CNTNAP5: variants seen among roughly 807,000 people sequenced by gnomAD.
The protein encoded by CNTNAP5 is contactin associated protein family member 5, also known as contactin-associated protein-like 5.
CNTNAP5 carries 72 observed loss-of-function variants against 150.2 expected under a neutral mutation model. That is an observed-to-expected ratio of 0.48 (90% confidence interval 0.40 to 0.58). The LOEUF (loss-of-function observed/expected upper bound fraction) is 0.58. Ranked by LOEUF, CNTNAP5 falls within the 20% of genes least tolerant of loss-of-function variation. The probability of loss-of-function intolerance (pLI) is 0.00; values close to 1 mark genes in which losing one functional copy is unlikely to be tolerated. For missense variants in CNTNAP5, 1,636 were observed against 1,626.2 expected, an observed-to-expected ratio of 1.01 and a Z score of -0.10; for synonymous variants, 672 against 619.8, an observed-to-expected ratio of 1.08 and a Z score of -1.25.
chr2:124,025,325 TCCACCG>T lies in CNTNAP5; in HGVS notation c.-325_-320del. On this transcript the variant is annotated 5_prime_UTR_variant, in exon 1 of 24. Coordinates refer to ENST00000682447, the MANE Select transcript of CNTNAP5 (RefSeq NM_001367498.1). The stretch of plus-strand genomic sequence containing the variant: ...GCGCCCGACGAGGTGGATTTGGCTG[TCCACCG>T]AGCTCCGGCGCCTGTCGTTCTAATT... 3 of 313,678 alleles carry T rather than the reference TCCACCG, an allele frequency of 9.6e-6. No individual in the cohort carries two copies. Among genetic ancestry groups the T allele is most frequent in the Admixed American group, 4.0e-5 (1 of 25,010 alleles). 19.4% of individuals were successfully genotyped at this position (313,678 alleles called of 1,614,324 possible).
At chr2:124,507,877 G>A (rs552660248) in intron 8 of CNTNAP5, among the ~76,000 whole-genome samples, 32 of 152,202 alleles carry the variant, frequency 2.1e-4, no homozygotes, top group African/African-American at 7.5e-4. Context: ...GGCTGCCAAG[G>A]GTGAGTGAGA....
chr2:124,507,232 G>T (rs1302983865), intron 8 of CNTNAP5, among the ~76,000 whole-genome samples: 1 of 152,098 alleles, frequency 6.6e-6, no homozygotes, highest in African/African-American at 2.4e-5. Context: ...GCCAAGGAGG[G>T]CAGATCTCAT....
intron 12 of CNTNAP5, among the ~76,000 whole-genome samples, chr2:124,635,267 C>T (rs549562390): frequency 1.9e-4 from 29 of 152,210 alleles, no homozygotes; most frequent in South Asian, 4.2e-4. Flanking sequence ...AGAGGCTACA[C>T]ACTTTTAAAC....
At chr2:124,737,434 A>G (rs1680408110) in intron 13 of CNTNAP5, among the ~76,000 whole-genome samples, 1 of 152,190 alleles carries the variant, frequency 6.6e-6, no homozygotes, top group African/African-American at 2.4e-5. Context: ...GGGTTCAGGC[A>G]GAGAGCAGCA....
rs545389967 is a variant in CNTNAP5 at position 124,359,153 on chromosome 2, C to T, written c.382-58290C>T. On this transcript the variant is annotated intron_variant, in intron 3 of 23. Transcript: ENST00000682447. ...TTTCTGTGGGATCGGCGGTGATATCCCCTTTATCATTTTTTATTGTGTCTA... is the reference window on the plus strand; with the variant it reads ...TTTCTGTGGGATCGGCGGTGATATCTCCTTTATCATTTTTTATTGTGTCTA... Among the ~76,000 whole-genome samples the T allele has an allele frequency of 9.2e-5, 14 of 152,052 alleles. No individual in the cohort carries two copies. The South Asian group carries it at 2.3e-3, about 25-fold the overall frequency.
intron 3 of CNTNAP5, among the ~76,000 whole-genome samples, chr2:124,309,690 AGC>A (rs1688776451): frequency 6.6e-6 from 1 of 152,170 alleles, no homozygotes; most frequent in Non-Finnish European, 1.5e-5. Flanking sequence ...CTTTAGCCAG[AGC>A]GGTGCCTCCC....
In CNTNAP5 at chr2:124,798,196, C is replaced by T. The variant is rs774970039; in HGVS notation, c.3093C>T (p.Tyr1031=). 6.2e-7 allele frequency: 1 copy of T among 1,613,818 alleles called. No individual in the cohort carries two copies. Among genetic ancestry groups the T allele is most frequent in the Non-Finnish European group, 8.5e-7 (1 of 1,179,732 alleles). The change falls in exon 19 of 24, where the codon TAC becomes TAT. Residue 1031 remains tyrosine, a synonymous_variant. Coordinates refer to ENST00000682447, the MANE Select transcript of CNTNAP5 (RefSeq NM_001367498.1). ...KNISLSSSAI[Y]TDSAPSKENI... ...TAAGCCTCTCATCCTCAGCTATTTACACAGATTCAGCTCCATCCAAGGAAA... is the reference window on the plus strand; with the variant it reads ...TAAGCCTCTCATCCTCAGCTATTTATACAGATTCAGCTCCATCCAAGGAAA...
rs70996039 is a variant in CNTNAP5, at chr2:124,070,396, G to GAA, written c.82+44686_82+44687dup. 6.0e-3 allele frequency among the ~76,000 whole-genome samples: 436 copies of GAA among 72,786 alleles called. 5 individuals are homozygous for GAA. The highest frequency in any genetic ancestry group is 0.032 in the East Asian group (72 of 2,220). The allele number at this position is 72,786 out of a possible 152,430, so 47.8% of individuals were successfully genotyped here. On this transcript the variant is annotated intron_variant, in intron 1 of 23. Coordinates refer to ENST00000682447, the MANE Select transcript of CNTNAP5 (RefSeq NM_001367498.1). Reference sequence around the variant, plus strand: ...AAGAGAAACAGAGTGGCTGAATGGGGAAAAAAAAAAAAAAAAAAAAAAAGC... The same window carrying GAA: ...AAGAGAAACAGAGTGGCTGAATGGGGAAAAAAAAAAAAAAAAAAAAAAAAAGC...
intron 3 of CNTNAP5, among the ~76,000 whole-genome samples, chr2:124,253,802 A>G (rs2104783067): frequency 6.6e-6 from 1 of 152,202 alleles, no homozygotes. Context: ...TCAACAGTAG[A>G]CACAGTGCTG....
At chr2:124,715,766 G>A (rs1030459480) in intron 13 of CNTNAP5, among the ~76,000 whole-genome samples, 4 of 152,086 alleles carry the variant, frequency 2.6e-5, no homozygotes, top group Non-Finnish European at 4.4e-5. Context: ...ATACTCTCCC[G>A]AAAATGCCGT....
chr2:124,797,872 C>A (rs1280840301), intron 18 of CNTNAP5, among the ~76,000 whole-genome samples: 3 of 152,198 alleles, frequency 2.0e-5, no homozygotes, highest in Non-Finnish European at 1.5e-5. Flanking sequence ...GGCTATGCAA[C>A]CCTGTTCAAG....
intron 2 of CNTNAP5, among the ~76,000 whole-genome samples, chr2:124,232,775 C>T (rs1367611120): frequency 7.9e-5 from 12 of 152,122 alleles, no homozygotes; most frequent in Admixed American, 7.9e-4. Flanking sequence ...TTGCTAAGGA[C>T]TGGCTTCTAA....
rs113977885 is a variant in CNTNAP5 at position 124,353,082 on chromosome 2, A to G, written c.382-64361A>G. On this transcript the variant is annotated intron_variant, in intron 3 of 23. Coordinates refer to ENST00000682447, the MANE Select transcript of CNTNAP5 (RefSeq NM_001367498.1). ...CACATTGAGCGAGGTCTCCAGGGAA[A>G]GGAGAGCCCCAGCTGACATCTTGTG... is the stretch of plus-strand genomic sequence containing the variant. Among the ~76,000 whole-genome samples, 585 of 152,282 alleles carry G rather than the reference A, an allele frequency of 3.8e-3. 5 individuals are homozygous for G. The highest frequency in any genetic ancestry group is 0.014 in the African/African-American group (562 of 41,564).
At chr2:124,466,265 T>C (rs2104825817) in intron 6 of CNTNAP5, among the ~76,000 whole-genome samples, 1 of 152,266 alleles carries the variant, frequency 6.6e-6, no homozygotes, top group South Asian at 2.1e-4. Context: ...GAGAATACAA[T>C]AACTCTATTC....
At chr2:124,184,686 T>G (rs1187885341) in intron 1 of CNTNAP5, among the ~76,000 whole-genome samples, 5 of 152,166 alleles carry the variant, frequency 3.3e-5, no homozygotes, top group Admixed American at 2.6e-4. Flanking sequence ...TATTACATTG[T>G]GCTAAAGTGC....
At chr2:124,586,168 G>C (rs1292242759) in intron 11 of CNTNAP5, among the ~76,000 whole-genome samples, 1 of 152,164 alleles carries the variant, frequency 6.6e-6, no homozygotes, top group East Asian at 1.9e-4. Flanking sequence ...CTGCTCACTA[G>C]ATGGCGATTT....
At chr2:124,234,648 A>T (rs776765884) in intron 2 of CNTNAP5, among the ~76,000 whole-genome samples, 16 of 152,026 alleles carry the variant, frequency 1.1e-4, no homozygotes, top group Non-Finnish European at 2.1e-4. Context: ...TCTGAACTCC[A>T]ATTCTTCCCA....
In CNTNAP5 at chr2:124,672,413, A is replaced by T. The variant is rs370415750; in HGVS notation, c.2077+24455A>T. Among the ~76,000 whole-genome samples, 215 of 152,258 alleles carry T rather than the reference A, an allele frequency of 1.4e-3. 1 individual carries two copies. The highest frequency in any genetic ancestry group is 4.1e-3 in the African/African-American group (169 of 41,538). The stretch of plus-strand genomic sequence containing the variant: ...ATATGCAGGAGGAAATTTTTGTAAA[A>T]TTTTTTACTTTATTAATGCACTGAA... On this transcript the variant is annotated intron_variant, in intron 13 of 23. Coordinates refer to ENST00000682447, the MANE Select transcript of CNTNAP5 (RefSeq NM_001367498.1).
chr2:124,440,519 T>A (rs1573996420), intron 5 of CNTNAP5, among the ~76,000 whole-genome samples: 1 of 152,126 alleles, frequency 6.6e-6, no homozygotes, highest in African/African-American at 2.4e-5. Context: ...TACTGCAACA[T>A]GCATGCCCTT....
Sources: allele counts gnomAD v4.1 joint callset (sites outside exome capture counted in the v4.1 genomes callset), GRCh38; gene constraint gnomAD v4.1.1; transcripts MANE v1.5; gene names NCBI Gene and HGNC (gene_info 2026-07-23, HGNC 2026-07-21).